Variants in CNTNAP5 observed in about 807,000 individuals in gnomAD.
CNTNAP5 encodes contactin associated protein family member 5.
A neutral mutation model predicts 150.2 loss-of-function variants in CNTNAP5; 72 were observed. The observed-to-expected ratio is 0.48, with a 90% CI of 0.40 to 0.58. The LOEUF is 0.58. CNTNAP5 is among the 20% of genes least tolerant of loss of function. The pLI, the probability that CNTNAP5 is intolerant of heterozygous loss-of-function variation, is 0.00. For synonymous variants in CNTNAP5, 672 were observed against 619.8 expected (o/e 1.08, Z -1.25); for missense variants, 1,636 against 1,626.2 (o/e 1.01, Z -0.10).
intron 1 of CNTNAP5, among the ~76,000 whole-genome samples, chr2:124,082,076 G>T (rs926750747): frequency 3.3e-5 from 5 of 152,208 alleles, no homozygotes; most frequent in Non-Finnish European, 5.9e-5. Context: ...AGGGCCAGGC[G>T]CAGTGGCTCA....
At chr2:124,726,641 CA>C (rs35201874) in intron 13 of CNTNAP5, among the ~76,000 whole-genome samples, 23 of 151,048 alleles carry the variant, frequency 1.5e-4, no homozygotes, top group Admixed American at 8.6e-4. Flanking sequence ...ACGTCTTCTT[CA>C]AAAAAAAGTC....
intron 12 of CNTNAP5, among the ~76,000 whole-genome samples, chr2:124,627,565 T>A (rs1677754774): frequency 1.4e-5 from 2 of 147,944 alleles, no homozygotes; most frequent in Admixed American, 1.3e-4. Context: ...CATCCAAAGT[T>A]ATCACCCTCA....
At chr2:124,341,240 G>A (rs1298937346) in intron 3 of CNTNAP5, among the ~76,000 whole-genome samples, 2 of 152,124 alleles carry the variant, frequency 1.3e-5, no homozygotes, top group African/African-American at 2.4e-5. Flanking sequence ...GTCAGACAGG[G>A]GAGCTTACAG....
chr2:124,080,978 C>A (rs1474949242), intron 1 of CNTNAP5, among the ~76,000 whole-genome samples: 1 of 152,086 alleles, frequency 6.6e-6, no homozygotes, highest in African/African-American at 2.4e-5. Flanking sequence ...GATAAGTAGT[C>A]ATTTGTCTCC....
chr2:124,515,516 C>A (rs534396805), intron 8 of CNTNAP5, among the ~76,000 whole-genome samples: 1 of 140,674 alleles, frequency 7.1e-6, no homozygotes, highest in South Asian at 2.2e-4. Flanking sequence ...GATTTATTAA[C>A]TTACTAATTT....
At chr2:124,608,092 T>C (rs553506959) in intron 11 of CNTNAP5, among the ~76,000 whole-genome samples, 58 of 152,282 alleles carry the variant, frequency 3.8e-4, no homozygotes, top group Middle Eastern at 6.8e-3. Flanking sequence ...CCCCTCACAT[T>C]TGATCATGAC....
intron 1 of CNTNAP5, among the ~76,000 whole-genome samples, chr2:124,131,304 A>G (rs1197845753): frequency 1.3e-5 from 2 of 152,196 alleles, no homozygotes; most frequent in Non-Finnish European, 2.9e-5. Context: ...CACACATTCT[A>G]TATGCAAAAG....
At chr2:124,737,404 A>G (rs553407722) in intron 13 of CNTNAP5, among the ~76,000 whole-genome samples, 63 of 152,232 alleles carry the variant, frequency 4.1e-4, no homozygotes, top group African/African-American at 1.2e-3. Flanking sequence ...ATCAGCCTCT[A>G]TGAAGACCCA....
intron 12 of CNTNAP5, among the ~76,000 whole-genome samples, chr2:124,613,209 T>A (rs1677422136): frequency 1.3e-5 from 2 of 152,226 alleles, no homozygotes; most frequent in South Asian, 4.1e-4. Flanking sequence ...ATAAGTTGAA[T>A]GTTGTTAAAA....
intron 19 of CNTNAP5, among the ~76,000 whole-genome samples, chr2:124,822,666 C>A (rs917746942): frequency 6.6e-6 from 1 of 152,148 alleles, no homozygotes; most frequent in African/African-American, 2.4e-5. Context: ...TGATTCTAGG[C>A]AAACTCTGAG....
intron 19 of CNTNAP5, 116 bp from the exon 20 acceptor site, chr2:124,865,190 A>G: frequency 1.2e-6 from 1 of 814,242 alleles, no homozygotes; most frequent in South Asian, 2.1e-5. Context: ...TAAAAATTGA[A>G]TAATGGAAGG....
chr2:124,698,894 C>T (rs1679461263), intron 13 of CNTNAP5, among the ~76,000 whole-genome samples: 1 of 152,162 alleles, frequency 6.6e-6, no homozygotes, highest in Non-Finnish European at 1.5e-5. Context: ...CTCTTTTCCT[C>T]AGTGTCTCTG....
At chr2:124,770,399 C>A (rs186057544) in intron 16 of CNTNAP5, among the ~76,000 whole-genome samples, 3 of 151,940 alleles carry the variant, frequency 2.0e-5, no homozygotes, top group Admixed American at 6.6e-5. Flanking sequence ...TCACAGCCAG[C>A]GAAACAGCAA....
chr2:124,213,569 A>G (rs578157135), intron 1 of CNTNAP5, among the ~76,000 whole-genome samples: 22 of 152,330 alleles, frequency 1.4e-4, no homozygotes, highest in African/African-American at 5.3e-4. Context: ...ATATTTGCAC[A>G]TCATTAGCTC....
chr2:124,466,578 A>G (rs1444797639), intron 6 of CNTNAP5, among the ~76,000 whole-genome samples: 1 of 152,196 alleles, frequency 6.6e-6, no homozygotes, highest in African/African-American at 2.4e-5. Context: ...GTACCAAACA[A>G]TTGGAATTAA....
At chr2:124,542,564 C>T (rs562308375) in intron 10 of CNTNAP5, among the ~76,000 whole-genome samples, 136 of 152,090 alleles carry the variant, frequency 8.9e-4, no homozygotes, top group Non-Finnish European at 1.6e-3. Context: ...TCTGGAGCTC[C>T]CTTCCCAGTT....
chr2:124,347,751 A>G (rs1689775599), intron 3 of CNTNAP5, among the ~76,000 whole-genome samples: 1 of 152,194 alleles, frequency 6.6e-6, no homozygotes, highest in South Asian at 2.1e-4. Flanking sequence ...AAAAAGGTGA[A>G]TATGTAAGTG....
intron 10 of CNTNAP5, among the ~76,000 whole-genome samples, chr2:124,543,985 C>A (rs1419799359): frequency 6.6e-6 from 1 of 151,804 alleles, no homozygotes; most frequent in Non-Finnish European, 1.5e-5. Context: ...TGTTCAAATC[C>A]ATAGAGAACT....
intron 11 of CNTNAP5, among the ~76,000 whole-genome samples, chr2:124,598,147 C>T (rs1330857227): frequency 7.4e-6 from 1 of 134,818 alleles, no homozygotes; most frequent in African/African-American, 2.8e-5. Context: ...CTCAGCTCAT[C>T]AAAATCATTC....
Sources: gnomAD v4.1 joint callset for allele counts (sites outside exome capture counted in the v4.1 genomes callset) on GRCh38, gnomAD v4.1.1 for gene constraint, MANE v1.5 for transcripts, NCBI Gene and HGNC (gene_info 2026-07-23, HGNC 2026-07-21) for gene names.